SPECC1L: variants seen among roughly 807,000 people sequenced by gnomAD.
SPECC1L encodes the protein sperm antigen with calponin homology and coiled-coil domains 1 like, also known as cytospin-A.
In SPECC1L, 40 loss-of-function variants were observed where a neutral mutation model predicts 116.8. The observed-to-expected ratio is 0.34, with a 90% confidence interval of 0.27 to 0.45. SPECC1L has a LOEUF of 0.45. SPECC1L is among the 20% of genes least tolerant of loss of function. The pLI is 1.00. For missense variants in SPECC1L, 1,110 were observed against 1,373.6 expected (o/e 0.81, Z 3.03); for synonymous variants, 504 against 500.6 (o/e 1.01, Z -0.09).
intron 13 of SPECC1L, among the ~76,000 whole-genome samples, chr22:24,367,883 A>C (rs1329869064): frequency 2.0e-5 from 3 of 152,186 alleles, no homozygotes; most frequent in Non-Finnish European, 2.9e-5. Flanking sequence ...ACTTTGCTAT[A>C]ATCACTGAAA....
Position 24,412,659 on chromosome 22 carries a change from C to T in SPECC1L, c.3216C>T (p.Phe1072=), listed in dbSNP as rs1290881845. The change falls in exon 16 of 17, where the codon TTC becomes TTT. Residue 1072 remains phenylalanine, a synonymous_variant. Transcript: ENST00000314328. ...AGTTTCTTTTACAGAGAAGGAACTT[C>T]ATGCTGGCTTTCCAGGCAGCTGAAA... ...ELNSQDKRRN[F]MLAFQAAESV... is the part of the protein sequence containing the mutation. 6.2e-7 allele frequency: 1 copy of T among 1,614,086 alleles called. No homozygotes were observed. Among genetic ancestry groups the T allele is most frequent in the East Asian group, 2.2e-5 (1 of 44,900 alleles).
At position 24,365,754 on chromosome 22, in the gene SPECC1L, T is replaced by C. The variant is rs2041750113; in HGVS notation, c.2984+122T>C. 16 of 1,112,938 alleles carry C rather than the reference T, an allele frequency of 1.4e-5. No individual in the cohort carries two copies. In the South Asian group the frequency reaches 2.1e-4, roughly 14 times the overall value. The allele number at this position is 1,112,938 out of a possible 1,614,324, so 68.9% of individuals were successfully genotyped here. A position where few individuals can be genotyped will look rare whatever the true frequency, so the allele number is the denominator to read the frequency against. Reference sequence around the variant, plus strand: ...TGATTTTTCTTTTTCTGTGTGTTGTTTGCGAATCTTTCTTATATCCAGAAT... The same window carrying C: ...TGATTTTTCTTTTTCTGTGTGTTGTCTGCGAATCTTTCTTATATCCAGAAT... On this transcript the variant is annotated intron_variant, in intron 13 of 16. Transcript: ENST00000314328.
intron 13 of SPECC1L, among the ~76,000 whole-genome samples, chr22:24,368,872 C>T (rs941078696): frequency 4.6e-5 from 7 of 152,214 alleles, no homozygotes; most frequent in Admixed American, 6.5e-5. Flanking sequence ...ATCTCAAACT[C>T]CTGACTTCAG....
At chr22:24,327,638 T>C (rs2146498813) in intron 6 of SPECC1L, among the ~76,000 whole-genome samples, 1 of 152,188 alleles carries the variant, frequency 6.6e-6, no homozygotes, top group East Asian at 1.9e-4. Context: ...GTTCTGTCAA[T>C]AGGATACTTA....
intron 2 of SPECC1L, among the ~76,000 whole-genome samples, chr22:24,293,467 AAGGGGGGAAAAAGAG>A (rs2049196271): frequency 1.3e-5 from 2 of 152,144 alleles, no homozygotes; most frequent in Non-Finnish European, 2.9e-5. Context: ...CAAAAAATAA[AAGGGGGGAAAAAGAG>A]AACAGTAGCT....
chr22:24,367,508 T>C (rs5760368), intron 13 of SPECC1L, among the ~76,000 whole-genome samples: 6,586 of 152,188 alleles, frequency 0.043, 317 homozygotes, highest in South Asian at 0.14. Flanking sequence ...AATTCTTCTA[T>C]TTCCATTGTG....
At chr22:24,407,287 G>T (rs1272358080) in intron 14 of SPECC1L, among the ~76,000 whole-genome samples, 1 of 152,246 alleles carries the variant, frequency 6.6e-6, no homozygotes, top group African/African-American at 2.4e-5. Flanking sequence ...TCCCGGTTCA[G>T]GTCACTGTGG....
In SPECC1L at chr22:24,334,164, C is replaced by T. The variant is rs1356860942; in HGVS notation, c.2397-246C>T. ...AGTAGCTGGGAGTACAGGCGCCCACCACCGTGCCTGGCTAATTTTTTGTAT... is the reference window on the plus strand; with the variant it reads ...AGTAGCTGGGAGTACAGGCGCCCACTACCGTGCCTGGCTAATTTTTTGTAT... On this transcript the variant is annotated intron_variant, in intron 8 of 16. Coordinates refer to ENST00000314328, the MANE Select transcript of SPECC1L (RefSeq NM_015330.6). Among the ~76,000 whole-genome samples, 5 of 152,088 alleles carry T rather than the reference C, an allele frequency of 3.3e-5. No individual in the cohort carries two copies. In the East Asian group the frequency reaches 9.7e-4, roughly 29 times the overall value.
chr22:24,346,832 G>A (rs569695900), intron 10 of SPECC1L, among the ~76,000 whole-genome samples: 2 of 152,262 alleles, frequency 1.3e-5, no homozygotes, highest in African/African-American at 2.4e-5. Context: ...GGGAAACTGA[G>A]TAAAGAGTAC....
intron 14 of SPECC1L, among the ~76,000 whole-genome samples, chr22:24,381,645 G>A (rs1330641415): frequency 2.0e-5 from 3 of 152,164 alleles, no homozygotes; most frequent in African/African-American, 7.2e-5. Context: ...AGCACTTTGG[G>A]AGGCCGAGGG....
chr22:24,345,081 G>C (rs545062481), intron 10 of SPECC1L, among the ~76,000 whole-genome samples: 172 of 152,032 alleles, frequency 1.1e-3, no homozygotes, highest in African/African-American at 4.1e-3. Flanking sequence ...TGTTGTGGTC[G>C]GGGGGGTGCG....
intron 10 of SPECC1L, among the ~76,000 whole-genome samples, chr22:24,341,311 G>A (rs1183796103): frequency 6.6e-6 from 1 of 152,142 alleles, no homozygotes; most frequent in African/African-American, 2.4e-5. Flanking sequence ...GAACAGCCCC[G>A]CAAGAATAAT....
chr22:24,364,661 CA>C (rs57580257), intron 12 of SPECC1L, among the ~76,000 whole-genome samples: 52,040 of 105,388 alleles, frequency 0.49, 10,518 homozygotes, highest in Admixed American at 0.59. Flanking sequence ...GACTCCCTCT[CA>C]AAAAAAAAAA....
At chr22:24,310,488 G>A (rs533301546) in intron 3 of SPECC1L, among the ~76,000 whole-genome samples, 1 of 152,292 alleles carries the variant, frequency 6.6e-6, no homozygotes, top group African/African-American at 2.4e-5. Flanking sequence ...ACTAAGGAGA[G>A]TGCCTGTTTC....
chr22:24,298,046 T>TA (rs1318794282), intron 2 of SPECC1L, among the ~76,000 whole-genome samples: 4 of 152,196 alleles, frequency 2.6e-5, no homozygotes, highest in Admixed American at 6.5e-5. Flanking sequence ...GTCCCCAACT[T>TA]ACTGTGGTTC....
At chr22:24,350,113 G>A (rs2041392471) in intron 11 of SPECC1L, among the ~76,000 whole-genome samples, 1 of 151,940 alleles carries the variant, frequency 6.6e-6, no homozygotes, top group Non-Finnish European at 1.5e-5. Context: ...CTTGCAACTG[G>A]CACTTTCTAT....
At chr22:24,365,305 G>A (rs553232188) in intron 12 of SPECC1L, among the ~76,000 whole-genome samples, 171 bp from the exon 13 acceptor site, 35 of 152,160 alleles carry the variant, frequency 2.3e-4, no homozygotes, top group African/African-American at 8.0e-4. Flanking sequence ...ACTGCACCTG[G>A]CCTCACAGTT....
chr22:24,315,017 C>T (rs201819813), intron 4 of SPECC1L, among the ~76,000 whole-genome samples: 5 of 152,194 alleles, frequency 3.3e-5, no homozygotes, highest in African/African-American at 4.8e-5. Flanking sequence ...TTACTTCTTA[C>T]GTTTATAGAA....
At chr22:24,282,414 C>G (rs532217464) in intron 2 of SPECC1L, among the ~76,000 whole-genome samples, 1 of 152,318 alleles carries the variant, frequency 6.6e-6, no homozygotes, top group African/African-American at 2.4e-5. Context: ...AGTCTACACC[C>G]AGGAATGAGC....
Sources: gnomAD v4.1 joint callset for allele counts (sites outside exome capture counted in the v4.1 genomes callset) on GRCh38, gnomAD v4.1.1 for gene constraint, MANE v1.5 for transcripts, NCBI Gene and HGNC (gene_info 2026-07-23, HGNC 2026-07-21) for gene names.